TMEM17: variants seen among roughly 807,000 people sequenced by gnomAD.
TMEM17 encodes the protein transmembrane protein 17.
TMEM17 carries 15 observed loss-of-function variants against 19.1 expected under a neutral mutation model. That is an observed-to-expected ratio of 0.78 (90% CI 0.52 to 1.21). The LOEUF is 1.21. Ranked by LOEUF, TMEM17 falls within the 50% of genes most tolerant of loss-of-function variation. The pLI is 0.00. For synonymous variants in TMEM17, 103 were observed against 86.9 expected (o/e 1.19, Z -1.03); for missense variants, 245 against 242.3 (o/e 1.01, Z -0.07).
chr2:62,461,746 G>A, the TMEM17 span, among the ~76,000 whole-genome samples: 12 of 152,292 alleles, frequency 7.9e-5, no homozygotes, highest in Middle Eastern at 0.01. Flanking sequence ...TAGCTGTCCC[G>A]GTGATTCAGA....
At chr2:62,467,628 T>C in the TMEM17 span, among the ~76,000 whole-genome samples, 1 of 152,184 alleles carries the variant, frequency 6.6e-6, no homozygotes, top group Non-Finnish European at 1.5e-5. Flanking sequence ...GTAATGACCC[T>C]GTTTGAATCC....
At chr2:62,458,564 G>A in the TMEM17 span, among the ~76,000 whole-genome samples, 9 of 152,306 alleles carry the variant, frequency 5.9e-5, no homozygotes, top group East Asian at 1.9e-4. Flanking sequence ...GACCCATCTC[G>A]AAGCATTGTG....
chr2:62,494,793 G>A, the TMEM17 span, among the ~76,000 whole-genome samples: 2 of 152,214 alleles, frequency 1.3e-5, no homozygotes, highest in East Asian at 3.9e-4. Context: ...CATGAGGTCA[G>A]GAGATCGAGA....
chr2:62,505,175 A>G (rs571544009), intron 1 of TMEM17, among the ~76,000 whole-genome samples: 1 of 152,284 alleles, frequency 6.6e-6, no homozygotes, highest in Non-Finnish European at 1.5e-5. Flanking sequence ...AAGCAGAGGA[A>G]AAGATTGATA....
chr2:62,506,092 T>C lies in TMEM17; in HGVS notation c.38A>G (p.Asn13Ser). ...ATCACTGAACACGGCCCGGCTGAAG[T>C]TTCCCAGCCGCTGGCGCACCGGATC... ...LPDPVRQRLG[N>S]FSRAVFSDSN... The change falls in exon 1 of 4, where the codon AAC (asparagine) becomes AGC (serine). Residue 13 changes from asparagine to serine, a missense_variant. Physicochemically the swap from Asn to Ser is conservative, Grantham distance 46. Coordinates refer to ENST00000335390, the MANE Select transcript of TMEM17 (RefSeq NM_198276.3). 6.2e-7 allele frequency: 1 copy of C among 1,610,512 alleles called. No individual in the cohort carries two copies. The highest frequency in any genetic ancestry group is 8.5e-7 in the Non-Finnish European group (1 of 1,178,836).
chr2:62,495,576 A>G (rs1279789216), downstream of TMEM17, among the ~76,000 whole-genome samples: 2 of 152,250 alleles, frequency 1.3e-5, no homozygotes, highest in East Asian at 3.8e-4. Context: ...TATAAAATAC[A>G]GTAGTTCAGT....
At position 62,505,978 on chromosome 2, in the gene TMEM17, A is replaced by C; in HGVS notation, c.100+52T>G. On this transcript the variant is annotated intron_variant, in intron 1 of 3. Coordinates refer to ENST00000335390, the MANE Select transcript of TMEM17 (RefSeq NM_198276.3). The stretch of plus-strand genomic sequence containing the variant: ...GCAAATTCTGGACGCTCCAAAATCC[A>C]CGCCAAGCCCTCGGCAGGCCACACC... The C allele has an allele frequency of 2.0e-6, 3 of 1,520,058 alleles. No homozygotes were observed. In the Admixed American group the frequency reaches 5.7e-5, roughly 29 times the overall value. 94.2% of individuals were successfully genotyped at this position (1,520,058 alleles called of 1,614,324 possible).
At position 62,506,194 on chromosome 2, in the gene TMEM17, G is replaced by C; in HGVS notation, c.-65C>G. ...TAGTCTGCGGGCGCTCCGAGGCTCC[G>C]TGGTTCCCACGGCAACCGGGCGGCG... On this transcript the variant is annotated 5_prime_UTR_variant, in exon 1 of 4. Coordinates refer to ENST00000335390, the MANE Select transcript of TMEM17 (RefSeq NM_198276.3). The C allele has an allele frequency of 6.9e-7, 1 of 1,444,720 alleles. No individual in the cohort carries two copies. Among genetic ancestry groups the C allele is most frequent in the Non-Finnish European group, 9.2e-7 (1 of 1,082,128 alleles). 89.5% of individuals were successfully genotyped at this position (1,444,720 alleles called of 1,614,324 possible).
chr2:62,475,652 A>G, the TMEM17 span, among the ~76,000 whole-genome samples: 2 of 152,236 alleles, frequency 1.3e-5, no homozygotes, highest in East Asian at 3.8e-4. Context: ...TCAATTGTAA[A>G]GAGGAGAAAA....
the TMEM17 span, among the ~76,000 whole-genome samples, chr2:62,487,257 C>T: frequency 6.6e-6 from 1 of 152,198 alleles, no homozygotes; most frequent in Non-Finnish European, 1.5e-5. Flanking sequence ...GTTTCATGGC[C>T]TGTTCCTTCT....
the TMEM17 span, among the ~76,000 whole-genome samples, chr2:62,460,837 T>C: frequency 2.6e-5 from 4 of 152,222 alleles, no homozygotes; most frequent in East Asian, 1.9e-4. Context: ...TTCGATTTGA[T>C]GAACACCTGC....
chr2:62,470,840 C>T, the TMEM17 span, among the ~76,000 whole-genome samples: 1 of 152,240 alleles, frequency 6.6e-6, no homozygotes, highest in South Asian at 2.1e-4. Context: ...AGGAGGAACA[C>T]TGCAACCAAC....
chr2:62,489,763 C>T, the TMEM17 span, among the ~76,000 whole-genome samples: 3 of 152,000 alleles, frequency 2.0e-5, no homozygotes, highest in Admixed American at 6.6e-5. Flanking sequence ...ACTTGTGCCC[C>T]AATTTGAACT....
chr2:62,476,628 G>A, the TMEM17 span, among the ~76,000 whole-genome samples: 18 of 152,148 alleles, frequency 1.2e-4, no homozygotes, highest in Non-Finnish European at 1.9e-4. Flanking sequence ...TTTAAGCTAG[G>A]GAAGTGAAAT....
the TMEM17 span, among the ~76,000 whole-genome samples, chr2:62,466,217 G>C: frequency 6.6e-6 from 1 of 152,166 alleles, no homozygotes; most frequent in Non-Finnish European, 1.5e-5. Context: ...CAGCCAGTAG[G>C]GTTTGATTCT....
the TMEM17 span, among the ~76,000 whole-genome samples, chr2:62,491,940 A>C: frequency 4.6e-5 from 7 of 151,260 alleles, no homozygotes; most frequent in African/African-American, 7.3e-5. Flanking sequence ...AAAAAAAAAA[A>C]CTCCAAAAAA....
At chr2:62,454,695 TTATG>T in the TMEM17 span, among the ~76,000 whole-genome samples, 21 of 152,292 alleles carry the variant, frequency 1.4e-4, no homozygotes, top group Middle Eastern at 6.8e-3. Context: ...CTTTATTTAT[TTATG>T]TATGTATTTA....
the TMEM17 span, among the ~76,000 whole-genome samples, chr2:62,457,063 G>A: frequency 2.0e-5 from 3 of 152,216 alleles, no homozygotes; most frequent in African/African-American, 7.2e-5. The surrounding 1 kb of genome is among the most constrained non-coding windows in gnomAD (Gnocchi z 4.2). Context: ...CCGGTCCCGG[G>A]CCTCTCTGCT....
chr2:62,505,535 G>GAAAAGGC lies in TMEM17; in HGVS notation c.100+488_100+494dup, dbSNP rs539699523. 5.1e-4 allele frequency among the ~76,000 whole-genome samples: 65 copies of GAAAAGGC among 128,034 alleles called. No homozygotes were observed. In the East Asian group the frequency reaches 0.017, roughly 33 times the overall value. The allele number at this position is 128,034 out of a possible 152,430, so 84.0% of individuals were successfully genotyped here. ...ACATACTTGTTCTGCTAGGAAAAGG[G>GAAAAGGC]AAAAGGCAAATTTGTTCCCTGGGGT... On this transcript the variant is annotated intron_variant, in intron 1 of 3. Coordinates refer to ENST00000335390, the MANE Select transcript of TMEM17 (RefSeq NM_198276.3).
Sources: allele counts gnomAD v4.1 joint callset (sites outside exome capture counted in the v4.1 genomes callset), GRCh38; gene constraint gnomAD v4.1.1; non-coding constraint Gnocchi (gnomAD v3.1); transcripts MANE v1.5; gene names NCBI Gene and HGNC (gene_info 2026-07-23, HGNC 2026-07-21).